FBXL13: variants seen among roughly 807,000 people sequenced by gnomAD.
The protein encoded by FBXL13 is F-box and leucine rich repeat protein 13, also known as F-box and leucine-rich repeat protein 13.
Under a neutral mutation model 83.6 loss-of-function variants are expected in FBXL13, and 67 were observed. The observed-to-expected ratio is 0.80, with a 90% confidence interval of 0.66 to 0.98. The LOEUF (loss-of-function observed/expected upper bound fraction) is 0.98. Among genes scored for constraint, FBXL13 ranks in the 50% least tolerant of loss-of-function variants. The pLI, the probability that FBXL13 is intolerant of heterozygous loss-of-function variation, is 0.00. For missense variants in FBXL13, 822 were observed against 866.5 expected (o/e 0.95, Z 0.64); for synonymous variants, 272 against 299.5 (o/e 0.91, Z 0.95).
intron 8 of FBXL13, among the ~76,000 whole-genome samples, chr7:102,962,437 G>A (rs1825379963): frequency 6.6e-6 from 1 of 152,134 alleles, no homozygotes; most frequent in African/African-American, 2.4e-5. Flanking sequence ...ATTCCTCAGG[G>A]ATCTAGAACT....
At chr7:102,893,971 A>AAAG (rs1385476876) in intron 11 of FBXL13, among the ~76,000 whole-genome samples, 1 of 149,816 alleles carries the variant, frequency 6.7e-6, no homozygotes, top group African/African-American at 2.5e-5. Flanking sequence ...AGAGAGAAAG[A>AAAG]AAGAAAGAAA....
At chr7:103,056,052 C>T (rs1471145662) in intron 1 of FBXL13, among the ~76,000 whole-genome samples, 2 of 152,136 alleles carry the variant, frequency 1.3e-5, no homozygotes, top group African/African-American at 4.8e-5. Context: ...CATTCTATGT[C>T]TTTGCATCCT....
intron 2 of FBXL13, among the ~76,000 whole-genome samples, chr7:103,043,560 G>A (rs565801583): frequency 2.8e-4 from 42 of 152,336 alleles, no homozygotes; most frequent in African/African-American, 6.0e-4. Flanking sequence ...CGCCGAGGCC[G>A]GAGTCTAATG....
At chr7:102,883,592 T>G (rs1810403412) in exon 13 of FBXL13, 1 of 1,610,986 alleles carries the variant, frequency 6.2e-7, no homozygotes, top group South Asian at 1.1e-5. Flanking sequence ...TTTCTGAGTT[T>G]ACAAGCAGAA....
chr7:102,883,827 C>T lies in FBXL13; in HGVS notation c.1108-142G>A, dbSNP rs967711635. On this transcript the variant is annotated intron_variant, in intron 12 of 19. Transcript: ENST00000313221. ...TAATTTCAAAGACAACTGGATTTTT[C>T]CATACATTTTAATACACCTACATTT... 45 of 590,432 alleles carry T rather than the reference C, an allele frequency of 7.6e-5. No individual in the cohort carries two copies. The Admixed American group carries it at 1.1e-3, about 15-fold the overall frequency. 36.6% of individuals were successfully genotyped at this position (590,432 alleles called of 1,614,324 possible).
At chr7:103,052,873 C>T (rs1426275375) in intron 2 of FBXL13, among the ~76,000 whole-genome samples, 1 of 151,532 alleles carries the variant, frequency 6.6e-6, no homozygotes. Context: ...TCTCCTGGCT[C>T]ACCCTCCCAA....
chr7:103,008,487 T>C (rs190874091), intron 6 of FBXL13, among the ~76,000 whole-genome samples: 4 of 152,346 alleles, frequency 2.6e-5, no homozygotes, highest in Admixed American at 2.6e-4. Context: ...TTCTTTGTAC[T>C]GTGTTTGCAA....
chr7:102,829,979 A>G (rs1271009737), intron 18 of FBXL13, among the ~76,000 whole-genome samples: 1 of 152,166 alleles, frequency 6.6e-6, no homozygotes, highest in Non-Finnish European at 1.5e-5. Context: ...CCACAGTCTG[A>G]CCAGAACAAT....
At chr7:102,938,687 T>C (rs1027534541) in intron 8 of FBXL13, among the ~76,000 whole-genome samples, 7 of 152,230 alleles carry the variant, frequency 4.6e-5, no homozygotes, top group African/African-American at 1.4e-4. Flanking sequence ...TATATTTATA[T>C]ACTCTTTATC....
chr7:102,968,155 G>C (rs2129480887), intron 6 of FBXL13, 38 bp from the exon 8 acceptor site: 1 of 1,399,914 alleles, frequency 7.1e-7, no homozygotes, highest in South Asian at 1.2e-5. Flanking sequence ...TGAAAAATGT[G>C]AACTTTGATG....
chr7:102,922,347 T>A (rs1275357020), intron 10 of FBXL13, among the ~76,000 whole-genome samples: 2 of 152,012 alleles, frequency 1.3e-5, no homozygotes, highest in Admixed American at 6.5e-5. Flanking sequence ...ATGACCATAT[T>A]TTTTTTATTA....
intron 11 of FBXL13, among the ~76,000 whole-genome samples, chr7:102,893,988 A>AGAG (rs1485750219): frequency 2.6e-5 from 4 of 151,620 alleles, no homozygotes; most frequent in East Asian, 1.9e-4. Context: ...GAAAGAGGAA[A>AGAG]GAAAGAAAGA....
chr7:103,016,666 C>G (rs990993159), intron 6 of FBXL13, among the ~76,000 whole-genome samples: 1 of 152,198 alleles, frequency 6.6e-6, no homozygotes, highest in Admixed American at 6.5e-5. Context: ...AAATGGCACA[C>G]CAGGAGATTA....
At chr7:102,976,363 C>T (rs138860742) in intron 6 of FBXL13, 23 of 595,434 alleles carry the variant, frequency 3.9e-5, no homozygotes, top group Admixed American at 1.2e-4. Flanking sequence ...CTGAGCCCCC[C>T]GCTCCACTTT....
At chr7:103,045,544 A>G (rs1377572295) in intron 2 of FBXL13, among the ~76,000 whole-genome samples, 1 of 152,246 alleles carries the variant, frequency 6.6e-6, no homozygotes, top group Admixed American at 6.5e-5. Context: ...GGTAAAAACA[A>G]GTATGAGTAG....
At chr7:102,826,874 G>A (rs567790929) in intron 18 of FBXL13, among the ~76,000 whole-genome samples, 14 of 145,332 alleles carry the variant, frequency 9.6e-5, no homozygotes, top group South Asian at 2.1e-4. Flanking sequence ...AGAGGGAGAG[G>A]CTCTTAGGAA....
At chr7:103,028,746 G>A (rs1262803404) in exon 4 of FBXL13, 1 of 1,560,982 alleles carries the variant, frequency 6.4e-7, no homozygotes, top group Admixed American at 1.9e-5. Flanking sequence ...GTCTCTCCAA[G>A]TGCTGCAGGC....
intron 2 of FBXL13, among the ~76,000 whole-genome samples, chr7:103,029,897 A>T (rs1325233910): frequency 6.6e-6 from 1 of 152,206 alleles, no homozygotes; most frequent in Non-Finnish European, 1.5e-5. Context: ...TAAACTGTGG[A>T]ATATGCTTAA....
chr7:102,918,924 A>G (rs1816451735), intron 10 of FBXL13, among the ~76,000 whole-genome samples: 2 of 152,170 alleles, frequency 1.3e-5, no homozygotes, highest in Admixed American at 1.3e-4. Context: ...ATATACACAC[A>G]CACTTATATA....
Sources: gnomAD v4.1 joint callset for allele counts (sites outside exome capture counted in the v4.1 genomes callset) on GRCh38, gnomAD v4.1.1 for gene constraint, MANE v1.5 for transcripts, NCBI Gene and HGNC (gene_info 2026-07-23, HGNC 2026-07-21) for gene names.